EML4: variants seen among roughly 807,000 people sequenced by gnomAD.
EML4 encodes the protein EMAP like 4, also known as echinoderm microtubule-associated protein-like 4.
EML4 carries 72 observed loss-of-function variants against 129.0 expected under a neutral mutation model. The observed-to-expected ratio is 0.56, with a 90% CI of 0.46 to 0.68. The LOEUF is 0.68. EML4 is among the 30% of genes least tolerant of loss of function. The pLI is 0.00. For synonymous variants in EML4, 532 were observed against 405.0 expected (o/e 1.31, Z -3.77); for missense variants, 1,363 against 1,190.6 (o/e 1.14, Z -2.13).
chr2:42,287,360 A>G (rs1214766998), intron 10 of EML4, among the ~76,000 whole-genome samples: 8 of 152,336 alleles, frequency 5.3e-5, no homozygotes, highest in South Asian at 2.1e-4. Flanking sequence ...ATAAATCTCT[A>G]TAGCAGGAAC....
chr2:42,238,093 C>T (rs1016376137), intron 1 of EML4, among the ~76,000 whole-genome samples: 4 of 152,092 alleles, frequency 2.6e-5, no homozygotes, highest in Admixed American at 6.6e-5. Context: ...AAATTACCTT[C>T]GGGACATGTA....
At chr2:42,252,193 C>T (rs1045104220) in intron 2 of EML4, among the ~76,000 whole-genome samples, 1 of 152,144 alleles carries the variant, frequency 6.6e-6, no homozygotes, top group Non-Finnish European at 1.5e-5. Context: ...ACATACAGTA[C>T]ACTGAAATTT....
Position 42,298,386 on chromosome 2 carries a change from G to A in EML4, c.1490-2855G>A, listed in dbSNP as rs530127092. Among the ~76,000 whole-genome samples the A allele has an allele frequency of 9.8e-5, 15 of 152,330 alleles. 1 individual carries two copies. The South Asian group carries it at 1.4e-3, about 15-fold the overall frequency. ...TGGACTTGACCATATGAGTAAGCCT[G>A]AAGGCAGAGTAGGTTTTTTTAATTC... is the stretch of plus-strand genomic sequence containing the variant. On this transcript the variant is annotated intron_variant, in intron 13 of 22. Coordinates refer to ENST00000318522, the MANE Select transcript of EML4 (RefSeq NM_019063.5).
Position 42,286,265 on chromosome 2 carries a change from G to C in EML4, c.1012-4G>C. The C allele has an allele frequency of 1.9e-6, 3 of 1,588,748 alleles. No individual in the cohort carries two copies. Among genetic ancestry groups the C allele is most frequent in the Non-Finnish European group, 2.6e-6 (3 of 1,156,872 alleles). On this transcript the variant is annotated splice_polypyrimidine_tract_variant and splice_region_variant and intron_variant, in intron 9 of 22. Transcript: ENST00000318522. ...AGTTGCTCTGCTGTCTTGTGTTTTTGCAGCCTCTACAACCCCACGTCAGAG... is the reference window on the plus strand; with the variant it reads ...AGTTGCTCTGCTGTCTTGTGTTTTTCCAGCCTCTACAACCCCACGTCAGAG...
intron 1 of EML4, among the ~76,000 whole-genome samples, chr2:42,231,866 G>A (rs1369141180): frequency 1.3e-5 from 2 of 152,000 alleles, no homozygotes; most frequent in South Asian, 2.1e-4. Flanking sequence ...GGAGAATGGC[G>A]TGAACCCGGG....
chr2:42,305,081 G>A (rs776185217), intron 17 of EML4, among the ~76,000 whole-genome samples: 121 of 151,802 alleles, frequency 8.0e-4, no homozygotes, highest in Admixed American at 1.1e-3. Context: ...GTGCCACTGC[G>A]CTCCAGCATG....
chr2:42,212,229 A>G (rs1672926473), intron 1 of EML4, among the ~76,000 whole-genome samples: 1 of 152,166 alleles, frequency 6.6e-6, no homozygotes, highest in South Asian at 2.1e-4. Context: ...CTTTCTGATC[A>G]TCTGTTAAGA....
At chr2:42,230,961 AC>A (rs893112323) in intron 1 of EML4, among the ~76,000 whole-genome samples, 3 of 152,104 alleles carry the variant, frequency 2.0e-5, no homozygotes, top group Non-Finnish European at 4.4e-5. Context: ...CCTTCCCTCA[AC>A]CCTGTAAATC....
intron 1 of EML4, among the ~76,000 whole-genome samples, chr2:42,196,640 AC>A (rs1298123880): frequency 6.6e-6 from 1 of 152,216 alleles, no homozygotes; most frequent in Non-Finnish European, 1.5e-5. Flanking sequence ...TATCAGCGAA[AC>A]AAAGAGCTGG....
In EML4 at chr2:42,205,535, C is replaced by G. The variant is rs529945642; in HGVS notation, c.25+35899C>G. ...GCTTACCTAACTCACAGTAAGCACT[C>G]AATAAATGTTTGCTCTTAGAAGCTG... On this transcript the variant is annotated intron_variant, in intron 1 of 22. Coordinates refer to ENST00000318522, the MANE Select transcript of EML4 (RefSeq NM_019063.5). Among the ~76,000 whole-genome samples, 622 of 152,040 alleles carry G rather than the reference C, an allele frequency of 4.1e-3. 4 individuals carry two copies. The highest frequency in any genetic ancestry group is 0.015 in the African/African-American group (604 of 41,504).
chr2:42,177,313 A>T lies in EML4; in HGVS notation c.25+7677A>T, dbSNP rs1670664140. 3.3e-5 allele frequency among the ~76,000 whole-genome samples: 5 copies of T among 152,210 alleles called. No homozygotes were observed. In the South Asian group the frequency reaches 1.0e-3, roughly 32 times the overall value. ...CCAAAAGATTGTAATACACAATCTC[A>T]GAATAAAAAATTGTAAAATTACTTT... On this transcript the variant is annotated intron_variant, in intron 1 of 22. Coordinates refer to ENST00000318522, the MANE Select transcript of EML4 (RefSeq NM_019063.5).
At chr2:42,262,545 C>G (rs189270776) in intron 4 of EML4, among the ~76,000 whole-genome samples, 3 of 151,960 alleles carry the variant, frequency 2.0e-5, no homozygotes, top group Admixed American at 6.6e-5. Flanking sequence ...TATACTGTTG[C>G]AAGAAGTATT....
At chr2:42,326,609 C>T (rs952579099) in intron 21 of EML4, among the ~76,000 whole-genome samples, 5 of 152,174 alleles carry the variant, frequency 3.3e-5, no homozygotes, top group South Asian at 2.1e-4. Context: ...AGGCTGGGCG[C>T]AGTGGCTCAC....
Position 42,330,290 on chromosome 2 carries a change from G to A in EML4, c.*83G>A, listed in dbSNP as rs1266052928. The A allele has an allele frequency of 8.3e-7, 1 of 1,205,998 alleles. No homozygotes were observed. The highest frequency in any genetic ancestry group is 1.5e-5 in the African/African-American group (1 of 67,112). The allele number at this position is 1,205,998 out of a possible 1,614,324, so 74.7% of individuals were successfully genotyped here. A position where few individuals can be genotyped will look rare whatever the true frequency, so the allele number is the denominator to read the frequency against. ...TCAGGTAACAGGATGGGCAGTGATGGAGAATCACTGTTGATTGAGATTTTG... is the reference window on the plus strand; with the variant it reads ...TCAGGTAACAGGATGGGCAGTGATGAAGAATCACTGTTGATTGAGATTTTG... On this transcript the variant is annotated 3_prime_UTR_variant, in exon 23 of 23. Coordinates refer to ENST00000318522, the MANE Select transcript of EML4 (RefSeq NM_019063.5).
intron 1 of EML4, among the ~76,000 whole-genome samples, chr2:42,225,362 C>A (rs1234543337): frequency 6.6e-6 from 1 of 152,152 alleles, no homozygotes; most frequent in Non-Finnish European, 1.5e-5. Flanking sequence ...GTTTACATTC[C>A]TACCAGCAAT....
intron 1 of EML4, among the ~76,000 whole-genome samples, chr2:42,188,840 C>A (rs1183895804): frequency 6.6e-6 from 1 of 152,060 alleles, no homozygotes; most frequent in African/African-American, 2.4e-5. Context: ...TTTAAAATTA[C>A]TTTCAAGGGC....
At chr2:42,303,548 A>G in intron 16 of EML4, 102 bp downstream of exon 16, 1 of 1,239,776 alleles carries the variant, frequency 8.1e-7, no homozygotes, top group Non-Finnish European at 1.2e-6. Flanking sequence ...ATTCAAACCA[A>G]ATGTAAACAT....
At chr2:42,309,521 G>C (rs770156687) in intron 17 of EML4, among the ~76,000 whole-genome samples, 1 of 150,524 alleles carries the variant, frequency 6.6e-6, no homozygotes, top group East Asian at 1.9e-4. Context: ...TACCAGCAAT[G>C]TATGAGGGTT....
rs575519695 is a variant in EML4, at chr2:42,293,900, C to T, written c.1219-1225C>T. Among the ~76,000 whole-genome samples the T allele has an allele frequency of 2.4e-3, 371 of 152,356 alleles. 4 individuals are homozygous for T. The highest frequency in any genetic ancestry group is 1.9e-3 in the Non-Finnish European group (126 of 68,040). ...TTGGGATTACAGGCGTGAGCCACCA[C>T]GCCCGGCCCATGTTGTTTTGCCAAA... On this transcript the variant is annotated intron_variant, in intron 11 of 22. Transcript: ENST00000318522.
Sources: gnomAD v4.1 joint callset for allele counts (sites outside exome capture counted in the v4.1 genomes callset) on GRCh38, gnomAD v4.1.1 for gene constraint, MANE v1.5 for transcripts, NCBI Gene and HGNC (gene_info 2026-07-23, HGNC 2026-07-21) for gene names.